The following SALL3 variants were observed in gnomAD, a reference collection of about 807,000 sequenced individuals.
SALL3 encodes the protein spalt like transcription factor 3.
In SALL3, 25 loss-of-function variants were observed where a neutral mutation model predicts 66.2. The observed-to-expected ratio is 0.38, with a 90% CI of 0.28 to 0.53. SALL3 has a LOEUF of 0.53. SALL3 is among the 20% of genes least tolerant of loss of function. The pLI, the probability that SALL3 is intolerant of heterozygous loss-of-function variation, is 0.85. For missense variants in SALL3, 2,194 were observed against 1,916.5 expected (o/e 1.14, Z -2.70); for synonymous variants, 1,152 against 899.1 (o/e 1.28, Z -5.03).
chr18:78,992,628 C>G lies in SALL3; in HGVS notation c.637C>G (p.Gln213Glu). Residue 213 changes from glutamine (Q) to glutamate (E), a missense_variant, in exon 2 of 3, where the codon CAG becomes GAG. Coordinates refer to ENST00000537592, the MANE Select transcript of SALL3 (RefSeq NM_171999.4). ...GATCCTGGAACAGCTCATGGCCCTG[C>G]AGCAGCAGCAGATCCACCAGCTGCA... ...PLILEQLMALQQQQIHQLQLI... is the reference protein window; with the variant it reads ...PLILEQLMALEQQQIHQLQLI... The G allele has an allele frequency of 6.5e-7, 1 of 1,543,542 alleles. No homozygotes were observed. The highest frequency in any genetic ancestry group is 2.5e-5 in the East Asian group (1 of 39,364).
At chr18:78,982,406 G>C (rs935917724) in intron 1 of SALL3, among the ~76,000 whole-genome samples, 3 of 152,170 alleles carry the variant, frequency 2.0e-5, no homozygotes, top group Admixed American at 6.5e-5. Flanking sequence ...TTTTGCAAGA[G>C]GCCCAAAATA....
intron 1 of SALL3, among the ~76,000 whole-genome samples, chr18:78,989,739 T>G (rs1176725824): frequency 6.6e-6 from 1 of 152,210 alleles, no homozygotes; most frequent in Non-Finnish European, 1.5e-5. Context: ...GCATTTAATT[T>G]CTTGGGATGT....
At chr18:78,980,381 C>G in intron 1 of SALL3, 25 bp downstream of exon 1, 1 of 1,371,722 alleles carries the variant, frequency 7.3e-7, no homozygotes, top group Non-Finnish European at 9.5e-7. Context: ...TGCGGGGTGG[C>G]CGGGGGGTCT....
At position 78,994,700 on chromosome 18, in the gene SALL3, G is replaced by A. The variant is rs1914618390; in HGVS notation, c.2709G>A (p.Gln903=). ...CCCTGTCCGAGTCCTCGTCCTCGCAGGCCCTGTCGCCGGCCCCCAGCAATG... is the reference window on the plus strand; with the variant it reads ...CCCTGTCCGAGTCCTCGTCCTCGCAAGCCCTGTCGCCGGCCCCCAGCAATG... ...SPALSESSSS[Q]ALSPAPSNGE... Residue 903 remains glutamine (Q), a synonymous_variant, in exon 2 of 3, where the codon CAG becomes CAA. Transcript: ENST00000537592. The A allele has an allele frequency of 1.2e-6, 2 of 1,605,992 alleles. No homozygotes were observed. The highest frequency in any genetic ancestry group is 1.7e-6 in the Non-Finnish European group (2 of 1,179,402).
In SALL3 at chr18:78,992,575, G is replaced by T; in HGVS notation, c.584G>T (p.Gly195Val). ...ARAAGGSGAG[G>V]GVAAAAVPLI... is the part of the protein sequence containing the mutation. ...GCGGCAGGCGGCTCGGGAGCAGGTG[G>T]AGGCGTGGCAGCTGCAGCCGTGCCC... Residue 195 changes from glycine to valine, a missense_variant, in exon 2 of 3, where the codon GGA (glycine) becomes GTA (valine). Physicochemically the swap from Gly to Val is moderately radical, Grantham distance 109. Transcript: ENST00000537592. 6.6e-7 allele frequency: 1 copy of T among 1,506,336 alleles called. No individual in the cohort carries two copies. 93.3% of individuals were successfully genotyped at this position (1,506,336 alleles called of 1,614,324 possible). A position where few individuals can be genotyped will look rare whatever the true frequency, so the allele number is the denominator to read the frequency against.
intron 1 of SALL3, among the ~76,000 whole-genome samples, 196 bp downstream of exon 1, chr18:78,980,552 A>G (rs1386350599): frequency 6.6e-6 from 1 of 151,562 alleles, no homozygotes; most frequent in Non-Finnish European, 1.5e-5. Flanking sequence ...GGCCGCCGAG[A>G]GAGTTGTGGG....
chr18:78,998,802 A>AT lies in SALL3; in HGVS notation c.*1485dup, dbSNP rs1914783958. ...TGAAAGCAAAGCACAGTGTCCTCTG[A>AT]TTTTTCAGAACACAGCCTGACGCTG... is the stretch of plus-strand genomic sequence containing the variant. On this transcript the variant is annotated 3_prime_UTR_variant, in exon 3 of 3. Coordinates refer to ENST00000537592, the MANE Select transcript of SALL3 (RefSeq NM_171999.4). 1 of 152,210 alleles carries AT rather than the reference A, an allele frequency of 6.6e-6. No individual in the cohort carries two copies. 9.4% of individuals were successfully genotyped at this position (152,210 alleles called of 1,614,324 possible).
At chr18:78,984,898 C>T (rs1914191973) in intron 1 of SALL3, 3 of 152,280 alleles carry the variant, frequency 2.0e-5, no homozygotes, top group South Asian at 4.2e-4. Context: ...CTCTGTGGGC[C>T]TGTCTTTTTC....
intron 1 of SALL3, among the ~76,000 whole-genome samples, chr18:78,986,118 G>A (rs1467054930): frequency 6.6e-6 from 1 of 152,202 alleles, no homozygotes; most frequent in Non-Finnish European, 1.5e-5. Flanking sequence ...AAGCAGCGTC[G>A]AGGGCAGATA....
Position 78,993,834 on chromosome 18 carries a change from G to A in SALL3, c.1843G>A (p.Ala615Thr), listed in dbSNP as rs1332818616. The change falls in exon 2 of 3, where the codon GCG (alanine) becomes ACG (threonine). Residue 615 changes from alanine to threonine, a missense_variant. Physicochemically the swap from Ala to Thr is moderately conservative, Grantham distance 58 (BLOSUM62 0). Transcript: ENST00000537592. ...NARAGDAPVG[A>T]QASAAPTSVD... ...CAGGGCCGGGGACGCTCCCGTGGGC[G>A]CGCAGGCTAGCGCTGCACCCACATC... 6.5e-6 allele frequency: 10 copies of A among 1,548,918 alleles called. No homozygotes were observed. The highest frequency in any genetic ancestry group is 5.5e-5 in the African/African-American group (4 of 72,928).
rs1191731933 is a variant in SALL3, at chr18:78,992,962, C to T, written c.971C>T (p.Ala324Val). 26 of 1,196,958 alleles carry T rather than the reference C, an allele frequency of 2.2e-5. No individual in the cohort carries two copies. The highest frequency in any genetic ancestry group is 2.7e-5 in the Non-Finnish European group (26 of 966,462). 74.1% of individuals were successfully genotyped at this position (1,196,958 alleles called of 1,614,324 possible). A position where few individuals can be genotyped will look rare whatever the true frequency, so the allele number is the denominator to read the frequency against. The change falls in exon 2 of 3, where the codon GCC becomes GTC. Residue 324 changes from alanine (A) to valine (V), a missense_variant. Ala to Val is a moderately conservative substitution (Grantham distance 64). Coordinates refer to ENST00000537592, the MANE Select transcript of SALL3 (RefSeq NM_171999.4). ...GCCGCCCCTGCCCCCGCTGCCCCCG[C>T]CCCGGCGCCAGCGCCGCAGAGCGCA... ...PSAAPAPAAPAPAPAPQSAAS... is the reference protein window; with the variant it reads ...PSAAPAPAAPVPAPAPQSAAS...
In SALL3 at chr18:78,981,361, C is replaced by T. The variant is rs1473017811; in HGVS notation, c.82+1005C>T. Among the ~76,000 whole-genome samples the T allele has an allele frequency of 2.6e-5, 4 of 152,296 alleles. No individual in the cohort carries two copies. The South Asian group carries it at 6.2e-4, about 24-fold the overall frequency. The stretch of plus-strand genomic sequence containing the variant: ...ACGACCCCGAGCCCGCAGCACAGCT[C>T]GCAGTAAAATAATTTGCTCCTTAAA... On this transcript the variant is annotated intron_variant, in intron 1 of 2. Coordinates refer to ENST00000537592, the MANE Select transcript of SALL3 (RefSeq NM_171999.4).
In SALL3 at chr18:78,997,888, AT is replaced by A. The variant is rs34639588; in HGVS notation, c.*577del. Reference sequence around the variant, plus strand: ...ACTGCAGAATACATCTGGCTGTGTGATTTTTTTTTTTAAGCAAGATTTGTTT... The same window carrying A: ...ACTGCAGAATACATCTGGCTGTGTGATTTTTTTTTTAAGCAAGATTTGTTT... On this transcript the variant is annotated 3_prime_UTR_variant, in exon 3 of 3. Coordinates refer to ENST00000537592, the MANE Select transcript of SALL3 (RefSeq NM_171999.4). 0.81 allele frequency: 122,498 copies of A among 151,588 alleles called. 51,643 individuals carry two copies. Among genetic ancestry groups the A allele is most frequent in the East Asian group, 0.99 (5,115 of 5,178 alleles). 9.4% of individuals were successfully genotyped at this position (151,588 alleles called of 1,614,324 possible). A position where few individuals can be genotyped will look rare whatever the true frequency, so the allele number is the denominator to read the frequency against.
Position 78,993,974 on chromosome 18 carries a change from C to A in SALL3, c.1983C>A (p.Thr661=). Residue 661 remains threonine (T), a synonymous_variant, in exon 2 of 3, where the codon ACC becomes ACA. Coordinates refer to ENST00000537592, the MANE Select transcript of SALL3 (RefSeq NM_171999.4). Reference sequence around the variant, plus strand: ...TAGACTCGATGCAAACGTCGGAAACCTCGAAGCTGCAGCAGCTGGTGGAGA... The same window carrying A: ...TAGACTCGATGCAAACGTCGGAAACATCGAAGCTGCAGCAGCTGGTGGAGA... The part of the protein sequence containing the change: ...GLLDSMQTSE[T]SKLQQLVENI... 6.2e-7 allele frequency: 1 copy of A among 1,611,958 alleles called. No individual in the cohort carries two copies. The highest frequency in any genetic ancestry group is 8.5e-7 in the Non-Finnish European group (1 of 1,179,516).
Position 78,996,934 on chromosome 18 carries a change from G to C in SALL3, c.3515G>C (p.Arg1172Pro). 6.2e-7 allele frequency: 1 copy of C among 1,612,856 alleles called. No homozygotes were observed. The highest frequency in any genetic ancestry group is 8.5e-7 in the Non-Finnish European group (1 of 1,179,586). Residue 1172 changes from arginine to proline, a missense_variant, in exon 3 of 3, where the codon CGC becomes CCC. Transcript: ENST00000537592. ...THMWNNAPAR[R>P]GRRLSVENPM... Reference sequence around the variant, plus strand: ...ATGTGGAATAACGCCCCCGCGAGACGCGGCCGCCGCCTGTCTGTGGAGAAC... The same window carrying C: ...ATGTGGAATAACGCCCCCGCGAGACCCGGCCGCCGCCTGTCTGTGGAGAAC...
intron 1 of SALL3, among the ~76,000 whole-genome samples, chr18:78,988,861 TTTC>T (rs1173911402): frequency 6.6e-6 from 1 of 152,224 alleles, no homozygotes; most frequent in African/African-American, 2.4e-5. Context: ...TTGAAATTTT[TTTC>T]CTTCATTAAT....
At position 78,995,159 on chromosome 18, in the gene SALL3, C is replaced by T. The variant is rs778826487; in HGVS notation, c.3168C>T (p.Ala1056=). 10 of 1,613,304 alleles carry T rather than the reference C, an allele frequency of 6.2e-6. No individual in the cohort carries two copies. Among genetic ancestry groups the T allele is most frequent in the South Asian group, 2.2e-5 (2 of 91,094 alleles). The stretch of plus-strand genomic sequence containing the variant: ...GCACTCCTAGCCTGATCTCCAGCGC[C>T]GCACCCACCATGATCAAAATGGAAG... ...SQSTPSLISS[A]APTMIKMEVN... is the part of the protein sequence containing the mutation. Residue 1056 remains alanine, a synonymous_variant, in exon 2 of 3, where the codon GCC becomes GCT. Transcript: ENST00000537592.
Position 78,995,545 on chromosome 18 carries a change from G to A in SALL3, c.3471+83G>A, listed in dbSNP as rs895673033. 6.8e-6 allele frequency: 10 copies of A among 1,472,508 alleles called. No homozygotes were observed. The African/African-American group carries it at 1.1e-4, about 17-fold the overall frequency. The allele number at this position is 1,472,508 out of a possible 1,614,324, so 91.2% of individuals were successfully genotyped here. On this transcript the variant is annotated intron_variant, in intron 2 of 2. Transcript: ENST00000537592. ...CTCCATCACCTGCCGCAGACACAGC[G>A]GCCGAGGTCCTGCTCCTATCCTGGC...
chr18:78,996,766 G>A (rs1330963859), intron 2 of SALL3, 125 bp from the exon 3 acceptor site: 1 of 892,842 alleles, frequency 1.1e-6, no homozygotes, highest in Admixed American at 2.9e-5. Flanking sequence ...AAGTCCACCT[G>A]TGTTTTGTTG....
Sources: gnomAD v4.1 joint callset for allele counts (sites outside exome capture counted in the v4.1 genomes callset) on GRCh38, gnomAD v4.1.1 for gene constraint, MANE v1.5 for transcripts, NCBI Gene and HGNC (gene_info 2026-07-23, HGNC 2026-07-21) for gene names.